The following FAM53A variants were observed in gnomAD, a reference collection of about 807,000 sequenced individuals.
FAM53A encodes the protein protein FAM53A.
Under a neutral mutation model 26.6 loss-of-function variants are expected in FAM53A, and 28 were observed. The ratio of observed to expected loss-of-function variants is 1.05; its 90% CI spans 0.78 to 1.45. The LOEUF (loss-of-function observed/expected upper bound fraction) is 1.45. Among genes scored for constraint, FAM53A ranks in the 40% most tolerant of loss-of-function variants. The pLI is 0.00. For missense variants in FAM53A, 650 were observed against 575.8 expected (o/e 1.13, Z -1.32); for synonymous variants, 290 against 253.1 (o/e 1.15, Z -1.38).
downstream of FAM53A, among the ~76,000 whole-genome samples, chr4:1,617,026 A>G (rs1714835286): frequency 6.9e-6 from 1 of 144,112 alleles, no homozygotes; most frequent in Non-Finnish European, 1.5e-5. Flanking sequence ...TGTCCCAACT[A>G]CTAAGGAGGC....
downstream of FAM53A, among the ~76,000 whole-genome samples, chr4:1,613,979 G>A (rs902900131): frequency 4.6e-5 from 7 of 152,292 alleles, no homozygotes; most frequent in Admixed American, 2.6e-4. Flanking sequence ...AGAGAACCCC[G>A]AAGAAGAAGT....
the FAM53A span, among the ~76,000 whole-genome samples, chr4:1,610,082 C>T: frequency 6.6e-6 from 1 of 151,902 alleles, no homozygotes; most frequent in East Asian, 1.9e-4. Context: ...ATGGGTGTCT[C>T]AGCCCCTGCG....
chr4:1,638,589 G>A (rs549121727), downstream of FAM53A, among the ~76,000 whole-genome samples: 462 of 152,324 alleles, frequency 3.0e-3, 5 homozygotes, highest in African/African-American at 0.011. Context: ...GGAGGTGAGA[G>A]AGGTGGGGAA....
At chr4:1,656,296 G>T (rs949035032) in intron 3 of FAM53A, among the ~76,000 whole-genome samples, 1 of 152,206 alleles carries the variant, frequency 6.6e-6, no homozygotes, top group Non-Finnish European at 1.5e-5. Flanking sequence ...CTGTCCTGGG[G>T]TTGCCTGTCT....
chr4:1,604,309 G>A, the FAM53A span, among the ~76,000 whole-genome samples: 1 of 152,228 alleles, frequency 6.6e-6, no homozygotes, highest in Non-Finnish European at 1.5e-5. Flanking sequence ...AAAGGAGATG[G>A]GGAGGGCTCA....
In FAM53A at chr4:1,633,460, T is replaced by C. The variant is rs79789928; in HGVS notation, c.432-15349A>G. 7.2e-3 allele frequency among the ~76,000 whole-genome samples: 1,103 copies of C among 152,238 alleles called. 10 individuals are homozygous for C. The highest frequency in any genetic ancestry group is 0.025 in the African/African-American group (1,027 of 41,532). Reference sequence around the variant, plus strand: ...GGAGTTGGTGGAGAATTCACAACTTTAAATGCTTTTATTACTGAGCAAGAG... The same window carrying C: ...GGAGTTGGTGGAGAATTCACAACTTCAAATGCTTTTATTACTGAGCAAGAG... On this transcript the variant is annotated intron_variant, in intron 1 of 1. Transcript: ENST00000489029.
chr4:1,586,121 G>C, the FAM53A span, among the ~76,000 whole-genome samples: 1 of 152,168 alleles, frequency 6.6e-6, no homozygotes. Context: ...TACTTAGATT[G>C]ATTCCATGTC....
chr4:1,647,814 A>C (rs991125162), intron 4 of FAM53A, among the ~76,000 whole-genome samples: 1 of 152,204 alleles, frequency 6.6e-6, no homozygotes, highest in Non-Finnish European at 1.5e-5. Flanking sequence ...GCCCACCCAG[A>C]GTCAGGACTA....
chr4:1,580,394 T>C, the FAM53A span: 1 of 152,266 alleles, frequency 6.6e-6, no homozygotes, highest in South Asian at 2.0e-4. Context: ...CCAGAAAAGA[T>C]CTGCAGGGAT....
intron 2 of FAM53A, among the ~76,000 whole-genome samples, chr4:1,663,380 A>C (rs1454054041): frequency 6.6e-6 from 1 of 152,224 alleles, no homozygotes; most frequent in Non-Finnish European, 1.5e-5. Flanking sequence ...ACAGAAACTC[A>C]TACATGAAAC....
intron 3 of FAM53A, among the ~76,000 whole-genome samples, chr4:1,657,104 A>G (rs559781828): frequency 6.6e-6 from 1 of 152,308 alleles, no homozygotes; most frequent in East Asian, 1.9e-4. Flanking sequence ...TCGTGGCCAC[A>G]GGGTGGGCCT....
At chr4:1,635,836 CTTTTTTTTTTTTTT>C (rs141715501), downstream of FAM53A, among the ~76,000 whole-genome samples, 1 of 81,490 alleles carries the variant, frequency 1.2e-5, no homozygotes, top group African/African-American at 5.7e-5. Flanking sequence ...AATACTAATT[CTTTTTTTTTTTTTT>C]TTTTTTTTTT....
chr4:1,656,726 G>C (rs1713413263), intron 3 of FAM53A, among the ~76,000 whole-genome samples: 1 of 152,148 alleles, frequency 6.6e-6, no homozygotes, highest in Admixed American at 6.5e-5. Flanking sequence ...ATCTACTCAT[G>C]AAAGAATCTG....
the FAM53A span, among the ~76,000 whole-genome samples, chr4:1,599,375 C>T: frequency 2.0e-5 from 3 of 152,196 alleles, no homozygotes; most frequent in Admixed American, 6.5e-5. The surrounding 1 kb of genome is among the most constrained non-coding windows in gnomAD (Gnocchi z 6.1). Flanking sequence ...AGGAGCCCAT[C>T]GGGGGCAGGG....
chr4:1,661,601 C>T (rs1713841714), intron 2 of FAM53A, among the ~76,000 whole-genome samples: 1 of 147,220 alleles, frequency 6.8e-6, no homozygotes, highest in Non-Finnish European at 1.5e-5. Context: ...CACCCATCCA[C>T]GTCCCCCTCC....
the FAM53A span, among the ~76,000 whole-genome samples, chr4:1,580,844 A>T: frequency 3.1e-5 from 1 of 32,360 alleles, no homozygotes; most frequent in Non-Finnish European, 5.5e-5. Context: ...CCCCCCTCTA[A>T]CCTGGGCCAC....
In FAM53A at chr4:1,659,958, T is replaced by C. The variant is rs746380288; in HGVS notation, c.76-2490A>G. Among the ~76,000 whole-genome samples the C allele has an allele frequency of 7.9e-5, 12 of 152,104 alleles. No homozygotes were observed. The highest frequency in any genetic ancestry group is 9.7e-5 in the African/African-American group (4 of 41,408). On this transcript the variant is annotated intron_variant, in intron 2 of 4. Transcript: ENST00000308132. The surrounding 1 kb of genome is among the most constrained non-coding windows in gnomAD (Gnocchi z 5.2). The stretch of plus-strand genomic sequence containing the variant: ...CCTTGAGGGTGAGGACTTCAACATA[T>C]GGGTTTCGGGGAATGTGAACATGCA...
At chr4:1,657,202 C>T (rs531038351) in intron 3 of FAM53A, among the ~76,000 whole-genome samples, 1 of 152,268 alleles carries the variant, frequency 6.6e-6, no homozygotes, top group African/African-American at 2.4e-5. Flanking sequence ...CTACACGAGC[C>T]GTCCTGCTCA....
At chr4:1,610,644 G>A in the FAM53A span, among the ~76,000 whole-genome samples, 22 of 151,798 alleles carry the variant, frequency 1.4e-4, no homozygotes, top group Non-Finnish European at 2.8e-4. Context: ...GAGGGATTCC[G>A]CGACGTGGGG....
Sources: allele counts gnomAD v4.1 joint callset (sites outside exome capture counted in the v4.1 genomes callset), GRCh38; gene constraint gnomAD v4.1.1; non-coding constraint Gnocchi (gnomAD v3.1); transcripts MANE v1.5; gene names NCBI Gene and HGNC (gene_info 2026-07-23, HGNC 2026-07-21).